The following CHRNA4 variants were observed in gnomAD, a reference collection of about 807,000 sequenced individuals.
The protein encoded by CHRNA4 is cholinergic receptor nicotinic alpha 4 subunit.
A neutral mutation model predicts 48.9 loss-of-function variants in CHRNA4; 28 were observed. The ratio of observed to expected loss-of-function variants is 0.57; its 90% CI spans 0.42 to 0.79. The LOEUF (loss-of-function observed/expected upper bound fraction) is 0.79. Among genes scored for constraint, CHRNA4 ranks in the 30% least tolerant of loss-of-function variants. The probability of loss-of-function intolerance (pLI) is 0.00; values close to 1 mark genes in which losing one functional copy is unlikely to be tolerated. For missense variants in CHRNA4, 859 were observed against 898.4 expected, an observed-to-expected ratio of 0.96 and a Z score of 0.56; for synonymous variants, 425 against 402.3, an observed-to-expected ratio of 1.06 and a Z score of -0.68.
intron 5 of CHRNA4, among the ~76,000 whole-genome samples, chr20:63,348,803 T>C (rs925147092): frequency 4.3e-4 from 50 of 117,554 alleles, no homozygotes; most frequent in African/African-American, 1.5e-3. Flanking sequence ...CCTCCCCCCA[T>C]GTGACAGGCA....
chr20:63,356,299 C>T, intron 3 of CHRNA4, 72 bp downstream of exon 3: 1 of 1,290,656 alleles, frequency 7.7e-7, no homozygotes, highest in Non-Finnish European at 1.0e-6. Flanking sequence ...TGGGGCAGGG[C>T]CAGGACAGGG....
At chr20:63,355,322 C>T in intron 4 of CHRNA4, 1 of 374,108 alleles carries the variant, frequency 2.7e-6, no homozygotes, top group Non-Finnish European at 5.1e-6. Flanking sequence ...CACAGAAAAC[C>T]CGTTTCCATG....
At chr20:63,358,000 C>T (rs1254290791) in intron 2 of CHRNA4, among the ~76,000 whole-genome samples, 3 of 152,298 alleles carry the variant, frequency 2.0e-5, no homozygotes, top group South Asian at 2.1e-4. Flanking sequence ...GGTGGCAGAC[C>T]CAGAGCCTTG....
chr20:63,359,913 G>GCCGGGCGTGCGCGGTGTA, intron 1 of CHRNA4: 1 of 519,452 alleles, frequency 1.9e-6, no homozygotes. Flanking sequence ...GTGTGTGTGT[G>GCCGGGCGTGCGCGGTGTA]TGTGTGTGTG....
rs1160288456 is a variant in CHRNA4, at chr20:63,345,378, C to T, written c.*1360G>A. 1 of 425,626 alleles carries T rather than the reference C, an allele frequency of 2.3e-6. No homozygotes were observed. Among genetic ancestry groups the T allele is most frequent in the Non-Finnish European group, 4.8e-6 (1 of 207,510 alleles). The allele number at this position is 425,626 out of a possible 1,614,324, so 26.4% of individuals were successfully genotyped here. ...AGGGGACACGCCATCCTGGCCCCGC[C>T]CCTCTGGGCCCTTGGAATCATGGAG... On this transcript the variant is annotated 3_prime_UTR_variant, in exon 6 of 6. Coordinates refer to ENST00000370263, the MANE Select transcript of CHRNA4 (RefSeq NM_000744.7). The surrounding 1 kb of genome is among the most constrained non-coding windows in gnomAD (Gnocchi z 5.4).
At chr20:63,359,293 G>A (rs1452615341) in intron 2 of CHRNA4, 2 of 566,108 alleles carry the variant, frequency 3.5e-6, no homozygotes, top group Non-Finnish European at 3.2e-6. Flanking sequence ...TCTGTACTGA[G>A]AACCTGGCCA....
In CHRNA4 at chr20:63,350,008, A is replaced by G. The variant is rs766778904; in HGVS notation, c.1403T>C (p.Val468Ala). Residue 468 changes from valine (V) to alanine (A), a missense_variant, in exon 5 of 6, where the codon GTC (valine) becomes GCC (alanine). Physicochemically the swap from Val to Ala is moderately conservative, Grantham distance 64. Transcript: ENST00000370263. ...TTCGCCAGGGCTGGACATGTGCTGG[A>G]CGCTGAGGGACCTGGCTTTGGCCAG... is the stretch of plus-strand genomic sequence containing the variant. The part of the protein sequence containing the change: ...PGLAKARSLS[V>A]QHMSSPGEAV... 23 of 1,532,274 alleles carry G rather than the reference A, an allele frequency of 1.5e-5. No homozygotes were observed. The Admixed American group carries it at 4.7e-4, about 31-fold the overall frequency. The allele number at this position is 1,532,274 out of a possible 1,614,324, so 94.9% of individuals were successfully genotyped here.
chr20:63,354,559 G>A (rs1028108143), intron 4 of CHRNA4: 4 of 900,790 alleles, frequency 4.4e-6, no homozygotes, highest in Non-Finnish European at 5.2e-6. Context: ...TCTTTGGAGG[G>A]CCGTGGTCCT....
intron 4 of CHRNA4, 142 bp downstream of exon 4, chr20:63,355,833 G>T: frequency 2.5e-6 from 3 of 1,178,392 alleles, no homozygotes; most frequent in South Asian, 1.3e-5. Context: ...TCCTGGGCCT[G>T]GGCTGGCATG....
At position 63,346,583 on chromosome 20, in the gene CHRNA4, A is replaced by G. The variant is rs771936922; in HGVS notation, c.*155T>C. 1 of 1,089,650 alleles carries G rather than the reference A, an allele frequency of 9.2e-7. No homozygotes were observed. The allele number at this position is 1,089,650 out of a possible 1,614,324, so 67.5% of individuals were successfully genotyped here. The stretch of plus-strand genomic sequence containing the variant: ...TCCCCAGAGGCCGTGTCCCCGTCCA[A>G]GGCCGTCTTACAGCAGACACAGAAC... On this transcript the variant is annotated 3_prime_UTR_variant, in exon 6 of 6. Transcript: ENST00000370263.
chr20:63,346,715 C>A lies in CHRNA4; in HGVS notation c.*23G>T, dbSNP rs1181820038. The A allele has an allele frequency of 6.3e-7, 1 of 1,597,636 alleles. No homozygotes were observed. Among genetic ancestry groups the A allele is most frequent in the Non-Finnish European group, 8.5e-7 (1 of 1,175,808 alleles). ...TGGCCCCGTGCACGGCAGCCCCAGG[C>A]CACGCAGGCTCCCGGTCCCTTCCTA... On this transcript the variant is annotated 3_prime_UTR_variant, in exon 6 of 6. Transcript: ENST00000370263.
At chr20:63,359,114 AGGGGCCTCT>A (rs1350432405) in intron 2 of CHRNA4, among the ~76,000 whole-genome samples, 2 of 152,184 alleles carry the variant, frequency 1.3e-5, no homozygotes, top group African/African-American at 4.8e-5. Context: ...TCTGTGGGTG[AGGGGCCTCT>A]GGGGCCAGCT....
rs1305252214 is a variant in CHRNA4, at chr20:63,343,488, C to A, written c.*3250G>T. On this transcript the variant is annotated 3_prime_UTR_variant, in exon 6 of 6. Coordinates refer to ENST00000370263, the MANE Select transcript of CHRNA4 (RefSeq NM_000744.7). ...CGCCTCTGCTCCAGGGGACACCTAACCCAGCAGTCCCACAGCAGCTGCGTG... is the reference window on the plus strand; with the variant it reads ...CGCCTCTGCTCCAGGGGACACCTAAACCAGCAGTCCCACAGCAGCTGCGTG... 1 of 454,156 alleles carries A rather than the reference C, an allele frequency of 2.2e-6. No individual in the cohort carries two copies. Among genetic ancestry groups the A allele is most frequent in the Non-Finnish European group, 4.4e-6 (1 of 226,790 alleles). 28.1% of individuals were successfully genotyped at this position (454,156 alleles called of 1,614,324 possible).
At position 63,346,178 on chromosome 20, in the gene CHRNA4, C is replaced by A. The variant is rs750551479; in HGVS notation, c.*560G>T. ...AACCAAACACAATCCCTGCCTGGAC[C>A]CTCTCCTAGCGAAGCAGATTGGAGC... On this transcript the variant is annotated 3_prime_UTR_variant, in exon 6 of 6. Coordinates refer to ENST00000370263, the MANE Select transcript of CHRNA4 (RefSeq NM_000744.7). 6.6e-6 allele frequency: 3 copies of A among 454,084 alleles called. No homozygotes were observed. The highest frequency in any genetic ancestry group is 4.7e-5 in the South Asian group (3 of 64,482). 28.1% of individuals were successfully genotyped at this position (454,084 alleles called of 1,614,324 possible).
chr20:63,348,391 C>T (rs1038460344), intron 5 of CHRNA4, among the ~76,000 whole-genome samples: 2 of 152,244 alleles, frequency 1.3e-5, no homozygotes, highest in Admixed American at 6.5e-5. Flanking sequence ...TGTTCTGGAA[C>T]CTGCAGGAGG....
chr20:63,350,681 G>A lies in CHRNA4; in HGVS notation c.730C>T (p.Leu244Phe), dbSNP rs1485142995. ...ATGATGAGGTTGATGGTGTAGAAGA[G>A]CGGCAGCCGCCGGATGACGAAGGCA... is the stretch of plus-strand genomic sequence containing the variant. ...TYAFVIRRLP[L>F]FYTINLIIPC... The change falls in exon 5 of 6, where the codon CTC becomes TTC. Residue 244 changes from leucine to phenylalanine, a missense_variant. Physicochemically the swap from Leu to Phe is conservative, Grantham distance 22. Coordinates refer to ENST00000370263, the MANE Select transcript of CHRNA4 (RefSeq NM_000744.7). 2 of 1,613,976 alleles carry A rather than the reference G, an allele frequency of 1.2e-6. No homozygotes were observed. Among genetic ancestry groups the A allele is most frequent in the South Asian group, 2.2e-5 (2 of 91,072 alleles).
rs121912254 is a variant in CHRNA4, at chr20:63,350,658, G to A, written c.753C>T (p.Ile251=). ...RLPLFYTINL[I]IPCLLISCLT... ...GGCAGGAGATGAGCAGGCAGGGGAT[G>A]ATGAGGTTGATGGTGTAGAAGAGCG... The change falls in exon 5 of 6, where the codon ATC becomes ATT. Residue 251 remains isoleucine (I), a synonymous_variant. Transcript: ENST00000370263. 6.2e-7 allele frequency: 1 copy of A among 1,614,042 alleles called. No individual in the cohort carries two copies. Among genetic ancestry groups the A allele is most frequent in the South Asian group, 1.1e-5 (1 of 91,082 alleles).
chr20:63,353,832 T>C (rs79584567), intron 4 of CHRNA4, among the ~76,000 whole-genome samples: 10 of 11,458 alleles, frequency 8.7e-4, no homozygotes, highest in Non-Finnish European at 1.5e-3. Context: ...GGGCTGTGGT[T>C]CTAGGGGGCT....
intron 5 of CHRNA4, among the ~76,000 whole-genome samples, chr20:63,348,032 C>T (rs914243458): frequency 6.6e-6 from 1 of 152,226 alleles, no homozygotes; most frequent in African/African-American, 2.4e-5. Context: ...CCTTTAGTTC[C>T]CTGGGTTCTG....
Sources: gnomAD v4.1 joint callset for allele counts (sites outside exome capture counted in the v4.1 genomes callset) on GRCh38, gnomAD v4.1.1 for gene constraint, Gnocchi (gnomAD v3.1) non-coding constraint, MANE v1.5 for transcripts, NCBI Gene and HGNC (gene_info 2026-07-23, HGNC 2026-07-21) for gene names.